The following RUNDC1 variants were observed in gnomAD, a reference collection of about 807,000 sequenced individuals.
RUNDC1 encodes RUN domain containing 1.
RUNDC1 carries 31 observed loss-of-function variants against 49.3 expected under a neutral mutation model. The ratio of observed to expected loss-of-function variants is 0.63; its 90% confidence interval spans 0.47 to 0.85. RUNDC1 has a LOEUF of 0.85. Ranked by LOEUF, RUNDC1 falls within the 40% of genes least tolerant of loss-of-function variation. The pLI is 0.00. For missense variants in RUNDC1, 715 were observed against 806.7 expected, an observed-to-expected ratio of 0.89 and a Z score of 1.38; for synonymous variants, 347 against 348.6, an observed-to-expected ratio of 1.00 and a Z score of 0.05.
intron 3 of RUNDC1, among the ~76,000 whole-genome samples, 175 bp downstream of exon 3, chr17:42,989,714 A>C (rs1051157701): frequency 2.6e-5 from 4 of 152,134 alleles, no homozygotes; most frequent in Non-Finnish European, 5.9e-5. Flanking sequence ...GGCTTACTGC[A>C]ACCGCCGCCT....
intron 1 of RUNDC1, among the ~76,000 whole-genome samples, chr17:42,986,166 T>G (rs2050168642): frequency 6.6e-6 from 1 of 151,680 alleles, no homozygotes; most frequent in African/African-American, 2.4e-5. Context: ...GGCTAATTTT[T>G]TTTTTCTTTG....
chr17:42,987,486 CCT>C, intron 2 of RUNDC1, 72 bp downstream of exon 2: 1 of 1,429,306 alleles, frequency 7.0e-7, no homozygotes, highest in Non-Finnish European at 9.8e-7. Flanking sequence ...CACAGGGCAT[CCT>C]CTCTCAGCTC....
intron 1 of RUNDC1, among the ~76,000 whole-genome samples, chr17:42,984,058 C>G (rs1242636450): frequency 6.6e-6 from 1 of 152,020 alleles, no homozygotes; most frequent in Non-Finnish European, 1.5e-5. Flanking sequence ...CATCCTCAAC[C>G]TCCTGGGCTC....
intron 2 of RUNDC1, among the ~76,000 whole-genome samples, chr17:42,987,835 C>T (rs1206865114): frequency 1.3e-5 from 2 of 152,174 alleles, no homozygotes; most frequent in African/African-American, 4.8e-5. Context: ...TCAACACAGC[C>T]TCTGCCTCCT....
chr17:42,992,404 A>G lies in RUNDC1; in HGVS notation c.*688A>G, dbSNP rs2050256466. The G allele has an allele frequency of 6.6e-6, 1 of 152,024 alleles. No individual in the cohort carries two copies. The highest frequency in any genetic ancestry group is 6.6e-5 in the Admixed American group (1 of 15,232). 9.4% of individuals were successfully genotyped at this position (152,024 alleles called of 1,614,324 possible). The stretch of plus-strand genomic sequence containing the variant: ...GCCAACATGGTGAAACCCCATCTCT[A>G]CTAAAAATACAAAAATTAGCTAGGC... On this transcript the variant is annotated 3_prime_UTR_variant, in exon 5 of 5. Transcript: ENST00000361677.
In RUNDC1 at chr17:42,992,325, T is replaced by G. The variant is rs549518675; in HGVS notation, c.*609T>G. The G allele has an allele frequency of 6.6e-6, 1 of 152,138 alleles. No individual in the cohort carries two copies. Among genetic ancestry groups the G allele is most frequent in the African/African-American group, 2.4e-5 (1 of 41,144 alleles). The allele number at this position is 152,138 out of a possible 1,614,324, so 9.4% of individuals were successfully genotyped here. On this transcript the variant is annotated 3_prime_UTR_variant, in exon 5 of 5. Coordinates refer to ENST00000361677, the MANE Select transcript of RUNDC1 (RefSeq NM_173079.5). ...GGCTCACGCCTGTAATCTCAGCACA[T>G]TGGGAGGCTGAGGTGGGCGGATCAC...
chr17:42,981,321 TGGTAGAG>T (rs1168129209), intron 1 of RUNDC1: 47 of 526,458 alleles, frequency 8.9e-5, no homozygotes, highest in Admixed American at 2.3e-4. Flanking sequence ...ATGACGTGAG[TGGTAGAG>T]GAGCGGTGAG....
At position 42,994,016 on chromosome 17, in the gene RUNDC1, C is replaced by T. The variant is rs1024619068; in HGVS notation, c.*2300C>T. 1.6e-4 allele frequency among the ~76,000 whole-genome samples: 24 copies of T among 152,176 alleles called. No homozygotes were observed. Among genetic ancestry groups the T allele is most frequent in the Admixed American group, 1.4e-3 (21 of 15,280 alleles). ...CTGGGAGTACCGGCGCCTGCCACCACGCCTGGCTAATGTTTGTATTTTTAA... is the reference window on the plus strand; with the variant it reads ...CTGGGAGTACCGGCGCCTGCCACCATGCCTGGCTAATGTTTGTATTTTTAA... On this transcript the variant is annotated 3_prime_UTR_variant, in exon 5 of 5. Coordinates refer to ENST00000361677, the MANE Select transcript of RUNDC1 (RefSeq NM_173079.5).
Position 42,990,362 on chromosome 17 carries a change from G to A in RUNDC1, c.902G>A (p.Cys301Tyr). 6.2e-7 allele frequency: 1 copy of A among 1,614,136 alleles called. No individual in the cohort carries two copies. The highest frequency in any genetic ancestry group is 8.5e-7 in the Non-Finnish European group (1 of 1,180,020). The change falls in exon 4 of 5, where the codon TGC becomes TAC. Residue 301 changes from cysteine to tyrosine, a missense_variant. By Grantham distance (194) the Cys-to-Tyr change is radical (BLOSUM62 -2). Coordinates refer to ENST00000361677, the MANE Select transcript of RUNDC1 (RefSeq NM_173079.5). ...PLQTGGGHCE[C>Y]KAGGKTGNGC... ...CAGACAGGTGGTGGACACTGTGAGT[G>A]CAAGGCCGGTGGGAAGACAGGAAAT...
chr17:42,985,602 C>CTTTTTTTTTTTT (rs71157692), intron 1 of RUNDC1: 4 of 169,692 alleles, frequency 2.4e-5, no homozygotes, highest in African/African-American at 5.5e-5. Context: ...TTGTTGTTTT[C>CTTTTTTTTTTTT]TTTTTTTTTT....
chr17:42,989,527 AACTTCATC>A lies in RUNDC1; in HGVS notation c.845_852del (p.Asn282ThrfsTer3). 6.2e-7 allele frequency: 1 copy of A among 1,614,118 alleles called. No homozygotes were observed. Among genetic ancestry groups the A allele is most frequent in the Non-Finnish European group, 8.5e-7 (1 of 1,179,938 alleles). On this transcript the variant is annotated frameshift_variant, in exon 3 of 5. Coordinates refer to ENST00000361677, the MANE Select transcript of RUNDC1 (RefSeq NM_173079.5). LOFTEE classifies it high-confidence loss of function. ...GATCCGAGACCTTGAGATGTTTATC[AACTTCATC>A]CAAGGTTAGAGGAGGGGATGGGATG...
At chr17:42,985,558 G>A (rs1371811870) in intron 1 of RUNDC1, 1 of 306,466 alleles carries the variant, frequency 3.3e-6, no homozygotes, top group Non-Finnish European at 4.8e-6. Context: ...AAAGCAAGAG[G>A]ATTGCATTTT....
chr17:42,986,191 G>GCA (rs2050169169), intron 1 of RUNDC1, among the ~76,000 whole-genome samples: 1 of 151,724 alleles, frequency 6.6e-6, no homozygotes, highest in African/African-American at 2.4e-5. Flanking sequence ...AGGGTCTTGT[G>GCA]AAGCCTTGAC....
rs1211636291 is a variant in RUNDC1 at position 42,990,924 on chromosome 17, G to T, written c.1050G>T (p.Gln350His). 3 of 1,613,028 alleles carry T rather than the reference G, an allele frequency of 1.9e-6. No individual in the cohort carries two copies. Among genetic ancestry groups the T allele is most frequent in the Non-Finnish European group, 2.5e-6 (3 of 1,179,280 alleles). The part of the protein sequence containing the change: ...HLMRRALAVL[Q>H]IFAVSQFGCA... ...TGCGGCGAGCGCTGGCCGTGCTCCA[G>T]ATCTTTGCTGTTAGCCAGTTTGGTT... The change falls in exon 5 of 5, where the codon CAG becomes CAT. Residue 350 changes from glutamine (Q) to histidine (H), a missense_variant. Physicochemically the swap from Gln to His is conservative, Grantham distance 24 (BLOSUM62 0). Coordinates refer to ENST00000361677, the MANE Select transcript of RUNDC1 (RefSeq NM_173079.5).
At chr17:42,986,729 G>C (rs1435734090) in intron 1 of RUNDC1, among the ~76,000 whole-genome samples, 7 of 151,928 alleles carry the variant, frequency 4.6e-5, no homozygotes, top group Non-Finnish European at 1.0e-4. Context: ...TCAATCTCCT[G>C]ACCTCGTGAT....
chr17:42,988,852 C>T (rs997370348), intron 2 of RUNDC1, among the ~76,000 whole-genome samples: 2 of 152,040 alleles, frequency 1.3e-5, no homozygotes, highest in African/African-American at 4.8e-5. Context: ...TAGCGTGTGT[C>T]TATAGTCCCA....
intron 1 of RUNDC1, chr17:42,981,361 A>C: frequency 2.2e-6 from 1 of 458,016 alleles, no homozygotes; most frequent in Non-Finnish European, 3.9e-6. Flanking sequence ...TTGAGAGGGC[A>C]GCAGAGCAGC....
At position 42,994,707 on chromosome 17, in the gene RUNDC1, C is replaced by CT. The variant is rs1393442392; in HGVS notation, c.*2992dup. ...CTTGAAACCTAAATGTGTGTATCAA[C>CT]TGAGACAACCCAACAATTCCATCAG... On this transcript the variant is annotated 3_prime_UTR_variant, in exon 5 of 5. Transcript: ENST00000361677. Among the ~76,000 whole-genome samples the CT allele has an allele frequency of 6.6e-6, 1 of 152,158 alleles. No homozygotes were observed. Among genetic ancestry groups the CT allele is most frequent in the East Asian group, 1.9e-4 (1 of 5,196 alleles).
At chr17:42,987,495 G>C in intron 2 of RUNDC1, 81 bp downstream of exon 2, 2 of 1,377,548 alleles carry the variant, frequency 1.5e-6, no homozygotes, top group South Asian at 2.5e-5. Context: ...TCCTCTCTCA[G>C]CTCAGTTCTC....
Sources: gnomAD v4.1 joint callset for allele counts (sites outside exome capture counted in the v4.1 genomes callset) on GRCh38, gnomAD v4.1.1 for gene constraint, MANE v1.5 for transcripts, NCBI Gene and HGNC (gene_info 2026-07-23, HGNC 2026-07-21) for gene names.